ELAVL1: variants seen among roughly 807,000 people sequenced by gnomAD.
ELAVL1 encodes the protein ELAV like RNA binding protein 1, also known as ELAV-like protein 1.
A neutral mutation model predicts 28.4 loss-of-function variants in ELAVL1; 1 was observed. The observed-to-expected ratio is 0.04, with a 90% CI of 0.01 to 0.17. The LOEUF is 0.17. ELAVL1 is among the 10% of genes least tolerant of loss of function. The pLI, the probability that ELAVL1 is intolerant of heterozygous loss-of-function variation, is 1.00. For missense variants in ELAVL1, 157 were observed against 447.2 expected (o/e 0.35, Z 5.85); for synonymous variants, 174 against 183.5 (o/e 0.95, Z 0.42).
intron 4 of ELAVL1, among the ~76,000 whole-genome samples, chr19:7,971,425 GT>G (rs1355647999): frequency 1.3e-5 from 2 of 152,206 alleles, no homozygotes; most frequent in Non-Finnish European, 2.9e-5. Context: ...AGTGAGGTTG[GT>G]TCCCCCGGCC....
chr19:8,002,156 GAACACAC>G (rs1297925726), intron 1 of ELAVL1: 1 of 1,275,902 alleles, frequency 7.8e-7, no homozygotes, highest in African/African-American at 1.5e-5. Context: ...GTGGTTCTTT[GAACACAC>G]GATGTTCTCT....
chr19:7,998,808 A>C (rs895099465), intron 1 of ELAVL1, among the ~76,000 whole-genome samples: 1 of 151,064 alleles, frequency 6.6e-6, no homozygotes, highest in African/African-American at 2.4e-5. Context: ...ATTTTTACTT[A>C]TTTTTCTTTT....
intron 1 of ELAVL1, among the ~76,000 whole-genome samples, chr19:7,996,467 G>T (rs978137138): frequency 4.0e-5 from 6 of 151,598 alleles, no homozygotes; most frequent in African/African-American, 1.5e-4. Context: ...GGGATTACAG[G>T]CGTGAGCCAC....
At chr19:7,966,415 G>A (rs139124452) in intron 5 of ELAVL1, among the ~76,000 whole-genome samples, 154 of 152,180 alleles carry the variant, frequency 1.0e-3, no homozygotes, top group Non-Finnish European at 1.9e-3. Context: ...TAAGGAATCC[G>A]GGAAAACTCC....
intron 3 of ELAVL1, among the ~76,000 whole-genome samples, chr19:7,980,461 T>A (rs1202536685): frequency 6.6e-6 from 1 of 152,022 alleles, no homozygotes; most frequent in Non-Finnish European, 1.5e-5. Context: ...GCGGGTCAGA[T>A]GATGAGGACA....
chr19:8,000,660 C>A (rs1192999555), intron 1 of ELAVL1, among the ~76,000 whole-genome samples: 1 of 152,248 alleles, frequency 6.6e-6, no homozygotes, highest in African/African-American at 2.4e-5. Flanking sequence ...CCAGAAAAAA[C>A]CCAAAGCACC....
intron 5 of ELAVL1, among the ~76,000 whole-genome samples, chr19:7,964,215 G>A (rs1363825973): frequency 2.0e-5 from 3 of 152,196 alleles, no homozygotes; most frequent in Admixed American, 6.5e-5. Flanking sequence ...TGTGGGGTAC[G>A]TGCAGGGGCT....
chr19:7,973,917 C>T (rs753065749), intron 3 of ELAVL1, 39 bp from the exon 4 acceptor site: 9 of 1,608,066 alleles, frequency 5.6e-6, no homozygotes, highest in Admixed American at 1.7e-5. Context: ...AGTACAGGCA[C>T]GTGGCCAAAG....
chr19:7,974,628 T>C (rs1985227377), intron 3 of ELAVL1, among the ~76,000 whole-genome samples: 1 of 151,976 alleles, frequency 6.6e-6, no homozygotes, highest in South Asian at 2.1e-4. Context: ...CCTCTGCCTG[T>C]GAAGGGGCAG....
At chr19:7,972,338 G>T (rs1985138449) in intron 4 of ELAVL1, among the ~76,000 whole-genome samples, 1 of 152,266 alleles carries the variant, frequency 6.6e-6, no homozygotes, top group Non-Finnish European at 1.5e-5. Context: ...CAGGCAGTAG[G>T]GCCGGAGCAC....
chr19:8,002,780 T>C (rs2081072589), intron 1 of ELAVL1, among the ~76,000 whole-genome samples: 1 of 151,740 alleles, frequency 6.6e-6, no homozygotes, highest in Non-Finnish European at 1.5e-5. Flanking sequence ...TGTCTCCAGG[T>C]GGAGGCTGCA....
At chr19:8,001,656 G>C (rs1312648546) in intron 1 of ELAVL1, among the ~76,000 whole-genome samples, 1 of 151,550 alleles carries the variant, frequency 6.6e-6, no homozygotes, top group Non-Finnish European at 1.5e-5. Flanking sequence ...TTTAGAGATG[G>C]GATCTCGCTA....
intron 5 of ELAVL1, among the ~76,000 whole-genome samples, chr19:7,964,712 CTAAAA>C (rs1029007213): frequency 2.0e-5 from 3 of 151,966 alleles, no homozygotes; most frequent in South Asian, 2.1e-4. Flanking sequence ...CTAAACTAAA[CTAAAA>C]TAAAATAAAG....
intron 3 of ELAVL1, among the ~76,000 whole-genome samples, chr19:7,974,921 C>G (rs1242189756): frequency 2.0e-5 from 3 of 152,212 alleles, no homozygotes; most frequent in African/African-American, 7.2e-5. Context: ...ATTGCCCCTG[C>G]TCATAGGGCA....
At chr19:7,975,943 A>AG (rs2145208457) in intron 3 of ELAVL1, among the ~76,000 whole-genome samples, 1 of 152,126 alleles carries the variant, frequency 6.6e-6, no homozygotes, top group East Asian at 1.9e-4. Flanking sequence ...TACAAAAAAA[A>AG]TTAGCTGGTC....
chr19:7,977,695 A>T (rs1985338278), intron 3 of ELAVL1, among the ~76,000 whole-genome samples: 1 of 152,254 alleles, frequency 6.6e-6, no homozygotes, highest in African/African-American at 2.4e-5. Context: ...TCTGCCACCA[A>T]GGGAATGACA....
At chr19:7,974,560 G>A (rs969426363) in intron 3 of ELAVL1, among the ~76,000 whole-genome samples, 3 of 152,136 alleles carry the variant, frequency 2.0e-5, no homozygotes, top group African/African-American at 7.2e-5. Context: ...TCAGGTTGGC[G>A]CTGACGGCCG....
At position 7,963,918 on chromosome 19, in the gene ELAVL1, C is replaced by A; in HGVS notation, c.657-111G>T. The A allele has an allele frequency of 7.9e-7, 1 of 1,258,906 alleles. No homozygotes were observed. Among genetic ancestry groups the A allele is most frequent in the African/African-American group, 1.5e-5 (1 of 66,534 alleles). The allele number at this position is 1,258,906 out of a possible 1,614,324, so 78.0% of individuals were successfully genotyped here. ...CCGCTGGGCCCCATCCCGCTCTGCGCAGCCACGAGGTGCTCACGGTTGAGA... is the reference window on the plus strand; with the variant it reads ...CCGCTGGGCCCCATCCCGCTCTGCGAAGCCACGAGGTGCTCACGGTTGAGA... On this transcript the variant is annotated intron_variant, in intron 5 of 5. Transcript: ENST00000407627. This position sits in a 1 kb window ranked among gnomAD's most constrained non-coding sequence, Gnocchi z 4.5.
chr19:7,988,096 G>A (rs1296521022), intron 2 of ELAVL1, among the ~76,000 whole-genome samples: 1 of 152,194 alleles, frequency 6.6e-6, no homozygotes, highest in Non-Finnish European at 1.5e-5. Flanking sequence ...GCTGAGGAGA[G>A]AGGGGAAAGG....
Sources: allele counts gnomAD v4.1 joint callset (sites outside exome capture counted in the v4.1 genomes callset), GRCh38; gene constraint gnomAD v4.1.1; non-coding constraint Gnocchi (gnomAD v3.1); transcripts MANE v1.5; gene names NCBI Gene and HGNC (gene_info 2026-07-23, HGNC 2026-07-21).